Variants in AK5 observed in about 807,000 individuals in gnomAD.
AK5 encodes the protein adenylate kinase isoenzyme 5.
Under a neutral mutation model 69.5 loss-of-function variants are expected in AK5, and 27 were observed. The observed-to-expected ratio is 0.39, with a 90% CI of 0.29 to 0.54. The LOEUF (loss-of-function observed/expected upper bound fraction) is 0.54, where lower values mean the gene tolerates loss of function less well. Ranked by LOEUF, AK5 falls within the 20% of genes least tolerant of loss-of-function variation. The pLI is 0.71. For synonymous variants in AK5, 260 were observed against 244.4 expected, an observed-to-expected ratio of 1.06 and a Z score of -0.60; for missense variants, 531 against 700.4, an observed-to-expected ratio of 0.76 and a Z score of 2.73.
At chr1:77,425,474 C>A (rs1651140001) in intron 8 of AK5, among the ~76,000 whole-genome samples, 1 of 152,156 alleles carries the variant, frequency 6.6e-6, no homozygotes, top group African/African-American at 2.4e-5. Flanking sequence ...GTAGTCCCAG[C>A]TACTCAGGAG....
chr1:77,424,206 C>G (rs1357582563), intron 8 of AK5, among the ~76,000 whole-genome samples: 1 of 152,232 alleles, frequency 6.6e-6, no homozygotes, highest in African/African-American at 2.4e-5. Context: ...TTTGAATAGA[C>G]TAAGCATCAG....
intron 6 of AK5, among the ~76,000 whole-genome samples, chr1:77,373,063 C>T (rs1647150853): frequency 6.6e-6 from 1 of 152,076 alleles, no homozygotes; most frequent in Admixed American, 6.5e-5. Context: ...GGAATTGTGT[C>T]TAAGAAGGAA....
chr1:77,395,467 C>G lies in AK5; in HGVS notation c.892-15514C>G, dbSNP rs114839406. 7.1e-3 allele frequency among the ~76,000 whole-genome samples: 1,076 copies of G among 152,196 alleles called. 12 individuals carry two copies. Among genetic ancestry groups the G allele is most frequent in the African/African-American group, 0.025 (1,039 of 41,508 alleles). On this transcript the variant is annotated intron_variant, in intron 6 of 13. Transcript: ENST00000354567. ...TGCAAAGACTATGTGCCTTTTATGCCTTAGGTAAGCTTATCAATTCCAGTC... is the reference window on the plus strand; with the variant it reads ...TGCAAAGACTATGTGCCTTTTATGCGTTAGGTAAGCTTATCAATTCCAGTC...
intron 2 of AK5, chr1:77,293,550 G>T (rs1030125786): frequency 3.2e-5 from 11 of 338,568 alleles, no homozygotes; most frequent in Admixed American, 4.9e-5. Flanking sequence ...TTATTATGTT[G>T]TTTATGACCA....
chr1:77,534,518 A>T (rs1269654659), intron 12 of AK5, among the ~76,000 whole-genome samples: 1 of 152,228 alleles, frequency 6.6e-6, no homozygotes, highest in Non-Finnish European at 1.5e-5. Context: ...TGTCTGCTGT[A>T]TGCCAAGGAG....
intron 13 of AK5, among the ~76,000 whole-genome samples, chr1:77,541,099 G>A (rs915043345): frequency 1.3e-5 from 2 of 152,000 alleles, no homozygotes; most frequent in Non-Finnish European, 2.9e-5. Context: ...TTAGAGATGG[G>A]GTTTCTCTTA....
chr1:77,294,791 G>A (rs1290592905), intron 3 of AK5, among the ~76,000 whole-genome samples: 3 of 152,026 alleles, frequency 2.0e-5, no homozygotes, highest in Non-Finnish European at 2.9e-5. Flanking sequence ...TTCCTTTTTG[G>A]TCAAGGAGGG....
At chr1:77,318,354 T>C (rs1186401866) in intron 5 of AK5, among the ~76,000 whole-genome samples, 1 of 152,132 alleles carries the variant, frequency 6.6e-6, no homozygotes, top group African/African-American at 2.4e-5. Flanking sequence ...TGCTAAACCA[T>C]TCATGAGAAC....
intron 10 of AK5, among the ~76,000 whole-genome samples, chr1:77,497,849 T>G (rs1351382201): frequency 1.3e-5 from 2 of 152,172 alleles, no homozygotes; most frequent in Non-Finnish European, 2.9e-5. Flanking sequence ...CCCAAAGCAC[T>G]GGGATTACAG....
intron 6 of AK5, 38 bp downstream of exon 6, chr1:77,340,606 C>T (rs1341963249): frequency 1.4e-5 from 22 of 1,578,236 alleles, no homozygotes; most frequent in African/African-American, 4.1e-5. Flanking sequence ...AATACAAGAG[C>T]GCTCTTTCAG....
chr1:77,344,971 G>T, intron 6 of AK5, among the ~76,000 whole-genome samples: 1 of 134,354 alleles, frequency 7.4e-6, no homozygotes, highest in Non-Finnish European at 1.6e-5. Context: ...TATTTTTAAA[G>T]AAAAAGGTCT....
intron 8 of AK5, among the ~76,000 whole-genome samples, chr1:77,437,258 T>TTTAA (rs549517843): frequency 5.9e-5 from 9 of 152,254 alleles, no homozygotes; most frequent in African/African-American, 1.4e-4. Flanking sequence ...AATTTTTCCC[T>TTTAA]TTAATTAATT....
At chr1:77,394,785 A>T (rs1294795565) in intron 6 of AK5, among the ~76,000 whole-genome samples, 2 of 151,824 alleles carry the variant, frequency 1.3e-5, no homozygotes, top group African/African-American at 4.8e-5. Flanking sequence ...AGAGAAAAAC[A>T]TCTTTTCATA....
intron 6 of AK5, among the ~76,000 whole-genome samples, chr1:77,365,864 T>G (rs903630116): frequency 1.3e-5 from 2 of 152,198 alleles, no homozygotes; most frequent in African/African-American, 4.8e-5. Context: ...TAATTCTCTT[T>G]TATTTCTAAA....
intron 6 of AK5, among the ~76,000 whole-genome samples, chr1:77,402,762 G>A (rs1649322163): frequency 2.0e-5 from 3 of 152,130 alleles, no homozygotes; most frequent in South Asian, 4.2e-4. Context: ...ACATACGTGT[G>A]CATGTGTCTT....
chr1:77,459,008 A>G (rs1653667573), intron 8 of AK5, among the ~76,000 whole-genome samples: 1 of 152,064 alleles, frequency 6.6e-6, no homozygotes, highest in African/African-American at 2.4e-5. Flanking sequence ...TTGGTTCCTC[A>G]CTGCACAGGG....
At chr1:77,418,973 T>C (rs1212990180) in intron 8 of AK5, among the ~76,000 whole-genome samples, 1 of 152,198 alleles carries the variant, frequency 6.6e-6, no homozygotes, top group African/African-American at 2.4e-5. Flanking sequence ...CAAAACGTTG[T>C]GCCGAGTTTC....
At chr1:77,448,750 G>T (rs1330220428) in intron 8 of AK5, among the ~76,000 whole-genome samples, 2 of 152,198 alleles carry the variant, frequency 1.3e-5, no homozygotes, top group East Asian at 3.9e-4. Flanking sequence ...GAAGAGCTGT[G>T]GCCCTCTGGG....
At chr1:77,335,911 C>T (rs910675823) in intron 5 of AK5, among the ~76,000 whole-genome samples, 3 of 152,092 alleles carry the variant, frequency 2.0e-5, no homozygotes, top group African/African-American at 7.2e-5. Context: ...GGCCTGCTTC[C>T]TGGTTCATAG....
Sources: gnomAD v4.1 joint callset for allele counts (sites outside exome capture counted in the v4.1 genomes callset) on GRCh38, gnomAD v4.1.1 for gene constraint, MANE v1.5 for transcripts, NCBI Gene and HGNC (gene_info 2026-07-23, HGNC 2026-07-21) for gene names.